The following FAM13A variants were observed in gnomAD, a reference collection of about 807,000 sequenced individuals.
FAM13A encodes the protein family with sequence similarity 13 member A.
Under a neutral mutation model 129.6 loss-of-function variants are expected in FAM13A, and 76 were observed. The observed-to-expected ratio is 0.59, with a 90% CI of 0.49 to 0.71. The LOEUF is 0.71. Ranked by LOEUF, FAM13A falls within the 30% of genes least tolerant of loss-of-function variation. The pLI, the probability that FAM13A is intolerant of heterozygous loss-of-function variation, is 0.00. For synonymous variants in FAM13A, 443 were observed against 449.9 expected (o/e 0.98, Z 0.20); for missense variants, 1,108 against 1,249.3 (o/e 0.89, Z 1.70).
chr4:88,852,775 C>T (rs2149993486), intron 6 of FAM13A, among the ~76,000 whole-genome samples: 1 of 152,236 alleles, frequency 6.6e-6, no homozygotes. Flanking sequence ...AAGACATTGA[C>T]TATCCCAGAG....
intron 5 of FAM13A, among the ~76,000 whole-genome samples, chr4:88,925,631 C>T (rs1037369966): frequency 2.6e-5 from 4 of 151,552 alleles, no homozygotes; most frequent in African/African-American, 7.3e-5. Flanking sequence ...CAGCATGGCA[C>T]ATGTATACAT....
At chr4:88,784,695 G>A (rs1408032119) in intron 10 of FAM13A, among the ~76,000 whole-genome samples, 1 of 151,986 alleles carries the variant, frequency 6.6e-6, no homozygotes, top group Non-Finnish European at 1.5e-5. Context: ...AGTTCACTGT[G>A]TTTTTAGAAG....
At chr4:88,785,214 T>C (rs770555519) in intron 10 of FAM13A, among the ~76,000 whole-genome samples, 3 of 152,164 alleles carry the variant, frequency 2.0e-5, no homozygotes, top group Non-Finnish European at 4.4e-5. Context: ...ATAATATAAA[T>C]AGATTTCTAT....
chr4:88,848,759 T>C (rs1737089482), intron 7 of FAM13A, among the ~76,000 whole-genome samples: 1 of 152,250 alleles, frequency 6.6e-6, no homozygotes, highest in Admixed American at 6.5e-5. Context: ...TTCCTAGAAT[T>C]ACTCCCTATT....
chr4:88,730,692 G>A (rs574158824), intron 23 of FAM13A, among the ~76,000 whole-genome samples: 1 of 152,180 alleles, frequency 6.6e-6, no homozygotes, highest in African/African-American at 2.4e-5. Context: ...ACGCCTGGCC[G>A]ACTTACTGAT....
Position 88,980,064 on chromosome 4 carries a change from C to T in FAM13A, c.605+10909G>A, listed in dbSNP as rs61064708. Among the ~76,000 whole-genome samples, 301 of 152,232 alleles carry T rather than the reference C, an allele frequency of 2.0e-3. 1 individual carries two copies. The highest frequency in any genetic ancestry group is 6.8e-3 in the African/African-American group (284 of 41,542). ...TCAAAAGATCAGAATGCTATGCTGTCGTTAAAAATGATGATGTAGAATTAC... is the reference window on the plus strand; with the variant it reads ...TCAAAAGATCAGAATGCTATGCTGTTGTTAAAAATGATGATGTAGAATTAC... On this transcript the variant is annotated intron_variant, in intron 4 of 23. Coordinates refer to ENST00000264344, the MANE Select transcript of FAM13A (RefSeq NM_014883.4).
rs181215429 is a variant in FAM13A, at chr4:88,814,863, G to A, written c.1008-9811C>T. 7.4e-4 allele frequency among the ~76,000 whole-genome samples: 113 copies of A among 151,858 alleles called. 1 individual carries two copies. In the East Asian group the frequency reaches 0.017, roughly 23 times the overall value. On this transcript the variant is annotated intron_variant, in intron 7 of 23. Coordinates refer to ENST00000264344, the MANE Select transcript of FAM13A (RefSeq NM_014883.4). ...CTGAAGTCTTTTTTTTGGGGGGAGT[G>A]TGACAGGGTCTTAATCTGTCATCTA... is the stretch of plus-strand genomic sequence containing the variant.
At chr4:88,758,654 C>T (rs768229493) in intron 14 of FAM13A, 100 bp downstream of exon 14, 4 of 1,213,048 alleles carry the variant, frequency 3.3e-6, no homozygotes, top group Non-Finnish European at 4.7e-6. Flanking sequence ...GCATGCATAG[C>T]TCTTTCACCC....
chr4:88,902,237 C>G (rs1747412560), intron 6 of FAM13A, among the ~76,000 whole-genome samples: 1 of 152,100 alleles, frequency 6.6e-6, no homozygotes, highest in Non-Finnish European at 1.5e-5. Flanking sequence ...AAAGGAGGGA[C>G]TCCTCCCTAA....
chr4:88,752,485 GA>G (rs1157667692), intron 14 of FAM13A, among the ~76,000 whole-genome samples: 4 of 152,166 alleles, frequency 2.6e-5, no homozygotes, highest in African/African-American at 9.7e-5. Context: ...AGGTTATCTG[GA>G]AATGCAGATA....
intron 7 of FAM13A, among the ~76,000 whole-genome samples, chr4:88,834,051 G>T (rs1734373040): frequency 1.4e-5 from 2 of 146,586 alleles, no homozygotes; most frequent in South Asian, 4.3e-4. Context: ...CACCAGGCCT[G>T]GCTATTTTTT....
chr4:88,864,942 C>G (rs1424712605), intron 6 of FAM13A, among the ~76,000 whole-genome samples: 1 of 152,084 alleles, frequency 6.6e-6, no homozygotes, highest in African/African-American at 2.4e-5. Context: ...CAGAGCATCA[C>G]AGGGTATTTC....
intron 6 of FAM13A, among the ~76,000 whole-genome samples, chr4:88,874,093 T>A (rs933167710): frequency 2.0e-5 from 3 of 152,310 alleles, no homozygotes; most frequent in Non-Finnish European, 4.4e-5. Flanking sequence ...CAACACTGCT[T>A]CATGCTGAAA....
chr4:89,024,249 A>C (rs974962049), intron 2 of FAM13A, among the ~76,000 whole-genome samples: 2 of 152,134 alleles, frequency 1.3e-5, no homozygotes, highest in Non-Finnish European at 2.9e-5. Flanking sequence ...AAGTAAGCAC[A>C]TTCTGACACC....
At chr4:88,841,514 AATT>A in intron 7 of FAM13A, among the ~76,000 whole-genome samples, 1 of 147,042 alleles carries the variant, frequency 6.8e-6, no homozygotes, top group East Asian at 1.9e-4. Context: ...AAAAAAAAAA[AATT>A]GAAAAGACAA....
At chr4:88,865,877 TC>T (rs1391925645) in intron 6 of FAM13A, among the ~76,000 whole-genome samples, 5 of 91,574 alleles carry the variant, frequency 5.5e-5, no homozygotes, top group Admixed American at 1.1e-4. Context: ...TTTGTCTCTC[TC>T]TTTTTTTTTT....
intron 6 of FAM13A, among the ~76,000 whole-genome samples, chr4:88,882,541 C>T (rs1170380717): frequency 6.6e-6 from 1 of 151,112 alleles, no homozygotes; most frequent in Non-Finnish European, 1.5e-5. Flanking sequence ...GAAAATATAC[C>T]AACATAGAAC....
At chr4:88,984,263 A>G (rs767864597) in intron 4 of FAM13A, among the ~76,000 whole-genome samples, 4 of 152,196 alleles carry the variant, frequency 2.6e-5, no homozygotes, top group Admixed American at 6.5e-5. Context: ...CACAAAAAGC[A>G]TAAGTGACAA....
chr4:88,847,730 T>C (rs7680357), intron 7 of FAM13A, among the ~76,000 whole-genome samples: 107,998 of 152,014 alleles, frequency 0.71, 39,223 homozygotes, highest in East Asian at 0.95. Context: ...GTCAGGAGAT[T>C]GCGACCATCC....
Sources: allele counts gnomAD v4.1 joint callset (sites outside exome capture counted in the v4.1 genomes callset), GRCh38; gene constraint gnomAD v4.1.1; transcripts MANE v1.5; gene names NCBI Gene and HGNC (gene_info 2026-07-23, HGNC 2026-07-21).